The following PDE3A variants were observed in gnomAD, a reference collection of about 807,000 sequenced individuals.
PDE3A encodes phosphodiesterase 3A.
Under a neutral mutation model 98.3 loss-of-function variants are expected in PDE3A, and 43 were observed. That is an observed-to-expected ratio of 0.44 (90% CI 0.34 to 0.56). The LOEUF is 0.56. Among genes scored for constraint, PDE3A ranks in the 20% least tolerant of loss-of-function variants. PDE3A has a pLI of 0.01. For synonymous variants in PDE3A, 663 were observed against 567.9 expected (o/e 1.17, Z -2.38); for missense variants, 1,427 against 1,440.7 (o/e 0.99, Z 0.15).
chr12:20,496,956 T>A (rs1490752218), intron 1 of PDE3A, among the ~76,000 whole-genome samples: 1 of 152,162 alleles, frequency 6.6e-6, no homozygotes, highest in Non-Finnish European at 1.5e-5. Context: ...ATAAGAGAAG[T>A]TCCATGAGGA....
At chr12:20,504,702 C>A (rs965509745) in intron 1 of PDE3A, among the ~76,000 whole-genome samples, 1 of 152,012 alleles carries the variant, frequency 6.6e-6, no homozygotes, top group Non-Finnish European at 1.5e-5. Flanking sequence ...AGTTTCAAAG[C>A]TGGCAAAGGT....
At chr12:20,457,866 G>A (rs1945178594) in intron 1 of PDE3A, among the ~76,000 whole-genome samples, 3 of 151,928 alleles carry the variant, frequency 2.0e-5, no homozygotes, top group Admixed American at 1.3e-4. Flanking sequence ...CATTTAGAAA[G>A]GTTATTTCCC....
At chr12:20,465,138 C>G (rs10841542) in intron 1 of PDE3A, among the ~76,000 whole-genome samples, 41,091 of 152,072 alleles carry the variant, frequency 0.27, 7,219 homozygotes, top group East Asian at 0.68. Flanking sequence ...CTAAGTTCAT[C>G]AAATCTTCCT....
At chr12:20,429,165 G>A (rs1044005099) in intron 1 of PDE3A, among the ~76,000 whole-genome samples, 39 of 152,310 alleles carry the variant, frequency 2.6e-4, no homozygotes, top group African/African-American at 8.9e-4. Context: ...TAATGGAAAC[G>A]ATGTGAAGAT....
intron 1 of PDE3A, among the ~76,000 whole-genome samples, chr12:20,380,794 T>A (rs989717652): frequency 6.6e-6 from 1 of 151,762 alleles, no homozygotes; most frequent in Non-Finnish European, 1.5e-5. Flanking sequence ...CTCCATATGG[T>A]TTTCATTTGA....
chr12:20,611,201 T>C (rs929915713), intron 2 of PDE3A, among the ~76,000 whole-genome samples: 3 of 143,426 alleles, frequency 2.1e-5, no homozygotes, highest in African/African-American at 7.7e-5. Flanking sequence ...TAAAATAAAA[T>C]TCTACTTTTA....
chr12:20,413,978 G>A (rs1405693389), intron 1 of PDE3A, among the ~76,000 whole-genome samples: 1 of 152,084 alleles, frequency 6.6e-6, no homozygotes, highest in African/African-American at 2.4e-5. Flanking sequence ...AAGGCAGGAG[G>A]CAACAATAGC....
intron 2 of PDE3A, among the ~76,000 whole-genome samples, chr12:20,562,118 T>G (rs1592059580): frequency 6.6e-6 from 1 of 152,186 alleles, no homozygotes; most frequent in Non-Finnish European, 1.5e-5. Flanking sequence ...GGGATGAAAT[T>G]CTCAGAAGGC....
At chr12:20,441,174 A>G (rs1944865089) in intron 1 of PDE3A, among the ~76,000 whole-genome samples, 1 of 152,170 alleles carries the variant, frequency 6.6e-6, no homozygotes, top group Non-Finnish European at 1.5e-5. Flanking sequence ...GCAAATATAT[A>G]ATTAAGTACC....
chr12:20,492,317 C>G (rs1339744861), intron 1 of PDE3A, among the ~76,000 whole-genome samples: 4 of 152,086 alleles, frequency 2.6e-5, no homozygotes, highest in African/African-American at 9.7e-5. Flanking sequence ...GACACATAGA[C>G]CAGCATAGTG....
chr12:20,627,391 C>T (rs1018695223), intron 5 of PDE3A, among the ~76,000 whole-genome samples: 1 of 149,120 alleles, frequency 6.7e-6, no homozygotes, highest in Non-Finnish European at 1.5e-5. Context: ...CCAGCAACCT[C>T]TCTGACCACG....
At chr12:20,502,991 A>T (rs1266521473) in intron 1 of PDE3A, among the ~76,000 whole-genome samples, 1 of 152,112 alleles carries the variant, frequency 6.6e-6, no homozygotes, top group African/African-American at 2.4e-5. Context: ...GAGATGATGC[A>T]TATCTCGTTG....
chr12:20,395,578 T>TATATATACATAG lies in PDE3A; in HGVS notation c.960+25334_960+25335insATATATACATAG, dbSNP rs1321872486. ...ACACATAGTATATATATACATAGTA[T>TATATATACATAG]TATATATGTATACTATGTATACACA... On this transcript the variant is annotated intron_variant, in intron 1 of 15. Coordinates refer to ENST00000359062, the MANE Select transcript of PDE3A (RefSeq NM_000921.5). 8.3e-3 allele frequency among the ~76,000 whole-genome samples: 951 copies of TATATATACATAG among 115,000 alleles called. 9 individuals carry two copies. Among genetic ancestry groups the TATATATACATAG allele is most frequent in the African/African-American group, 0.031 (908 of 29,032 alleles). The allele number at this position is 115,000 out of a possible 152,430, so 75.4% of individuals were successfully genotyped here.
intron 1 of PDE3A, among the ~76,000 whole-genome samples, chr12:20,382,023 C>T (rs1321192835): frequency 2.6e-5 from 4 of 151,880 alleles, no homozygotes; most frequent in East Asian, 3.9e-4. Context: ...TGCTTAATTT[C>T]ACCTACATAT....
rs574887363 is a variant in PDE3A, at chr12:20,454,741, C to T, written c.960+84497C>T. ...AACATGTGGTATTTGATTTTATGTTCCTGTGTTAGTTTGCTAAGGATAATG... is the reference window on the plus strand; with the variant it reads ...AACATGTGGTATTTGATTTTATGTTTCTGTGTTAGTTTGCTAAGGATAATG... On this transcript the variant is annotated intron_variant, in intron 1 of 15. Coordinates refer to ENST00000359062, the MANE Select transcript of PDE3A (RefSeq NM_000921.5). 1.7e-4 allele frequency among the ~76,000 whole-genome samples: 26 copies of T among 152,168 alleles called. No homozygotes were observed. The South Asian group carries it at 4.1e-3, about 24-fold the overall frequency.
intron 10 of PDE3A, among the ~76,000 whole-genome samples, chr12:20,643,692 C>T (rs912522171): frequency 6.6e-6 from 1 of 152,012 alleles, no homozygotes; most frequent in African/African-American, 2.4e-5. Context: ...AATATACATA[C>T]TGTCTTTACC....
chr12:20,578,716 CTCTG>C (rs772591657), intron 2 of PDE3A, among the ~76,000 whole-genome samples: 4 of 152,008 alleles, frequency 2.6e-5, no homozygotes, highest in Non-Finnish European at 4.4e-5. Flanking sequence ...GGGAGAAAGC[CTCTG>C]TCTATCGTTC....
rs572600417 is a variant in PDE3A at position 20,647,676 on chromosome 12, C to G, written c.2565+726C>G. 2.0e-5 allele frequency among the ~76,000 whole-genome samples: 3 copies of G among 152,074 alleles called. No homozygotes were observed. In the East Asian group the frequency reaches 5.8e-4, roughly 29 times the overall value. On this transcript the variant is annotated intron_variant, in intron 12 of 15. Transcript: ENST00000359062. Reference sequence around the variant, plus strand: ...TTGACTTTTCTGTTTTCTTCTTTGCCTCTTCTATCCCATTGCTGTTCATTT... The same window carrying G: ...TTGACTTTTCTGTTTTCTTCTTTGCGTCTTCTATCCCATTGCTGTTCATTT...
chr12:20,393,559 C>T (rs1286711490), intron 1 of PDE3A, among the ~76,000 whole-genome samples: 1 of 151,936 alleles, frequency 6.6e-6, no homozygotes, highest in South Asian at 2.1e-4. Flanking sequence ...ATCCAGTTAC[C>T]TGATTTGATT....
Sources: allele counts gnomAD v4.1 joint callset (sites outside exome capture counted in the v4.1 genomes callset), GRCh38; gene constraint gnomAD v4.1.1; transcripts MANE v1.5; gene names NCBI Gene and HGNC (gene_info 2026-07-23, HGNC 2026-07-21).